Variants in NIBAN1 observed in about 807,000 individuals in gnomAD.
NIBAN1 encodes the protein niban apoptosis regulator 1.
Under a neutral mutation model 75.1 loss-of-function variants are expected in NIBAN1, and 81 were observed. The observed-to-expected ratio is 1.08, with a 90% CI of 0.90 to 1.30. NIBAN1 has a LOEUF of 1.30. NIBAN1 is among the 50% of genes most tolerant of loss of function. The pLI is 0.00. For synonymous variants in NIBAN1, 436 were observed against 424.8 expected (o/e 1.03, Z -0.32); for missense variants, 1,133 against 1,128.1 (o/e 1.00, Z -0.06).
intron 1 of NIBAN1, among the ~76,000 whole-genome samples, chr1:184,913,215 A>G (rs1035960605): frequency 3.3e-5 from 5 of 149,968 alleles, no homozygotes; most frequent in Admixed American, 6.6e-5. Flanking sequence ...ATTTGTAGAC[A>G]TGAAAATGCT....
chr1:184,941,079 A>G (rs985121308), intron 1 of NIBAN1, among the ~76,000 whole-genome samples: 5 of 152,242 alleles, frequency 3.3e-5, no homozygotes, highest in African/African-American at 7.2e-5. Flanking sequence ...CACTTAGGAC[A>G]GTACCCAAAG....
chr1:184,826,357 CA>C (rs1368664227), intron 6 of NIBAN1, among the ~76,000 whole-genome samples: 4 of 152,174 alleles, frequency 2.6e-5, no homozygotes, highest in African/African-American at 9.7e-5. Flanking sequence ...CTAACATGCA[CA>C]AAACTCCATG....
At chr1:184,859,462 A>G (rs931865485) in intron 5 of NIBAN1, among the ~76,000 whole-genome samples, 2 of 152,156 alleles carry the variant, frequency 1.3e-5, no homozygotes, top group African/African-American at 4.8e-5. Flanking sequence ...TCTCTAAGGT[A>G]CTTTCCAGCT....
At chr1:184,800,217 T>A (rs1377333223) in intron 12 of NIBAN1, among the ~76,000 whole-genome samples, 19 of 151,272 alleles carry the variant, frequency 1.3e-4, no homozygotes, top group African/African-American at 4.4e-4. Context: ...GGGTTGTTTG[T>A]TTTTTTCTTG....
chr1:184,798,968 A>G (rs1338397142), intron 12 of NIBAN1, among the ~76,000 whole-genome samples: 1 of 152,168 alleles, frequency 6.6e-6, no homozygotes, highest in African/African-American at 2.4e-5. Flanking sequence ...AAAATTGTTT[A>G]TCTGCACTCA....
At chr1:184,955,367 T>C (rs116355870) in intron 1 of NIBAN1, among the ~76,000 whole-genome samples, 6,815 of 32,036 alleles carry the variant, frequency 0.21, 159 homozygotes, top group Non-Finnish European at 0.29. Flanking sequence ...CTTTTCTTTT[T>C]TGTTTTGTTT....
intron 5 of NIBAN1, among the ~76,000 whole-genome samples, chr1:184,841,004 C>T (rs1219594383): frequency 6.6e-6 from 1 of 151,386 alleles, no homozygotes; most frequent in Non-Finnish European, 1.5e-5. Context: ...ATTAAATTTT[C>T]TTTACCAACT....
intron 1 of NIBAN1, among the ~76,000 whole-genome samples, chr1:184,921,474 AT>A (rs1219426747): frequency 1.3e-5 from 2 of 152,214 alleles, no homozygotes; most frequent in African/African-American, 2.4e-5. Context: ...ATGATAAGTG[AT>A]TATCACTGGG....
intron 5 of NIBAN1, among the ~76,000 whole-genome samples, chr1:184,876,970 A>T (rs1656250358): frequency 6.6e-6 from 1 of 152,234 alleles, no homozygotes; most frequent in Non-Finnish European, 1.5e-5. Context: ...ACACTCATTA[A>T]CACAGATGTG....
At chr1:184,796,956 T>C (rs939367257) in intron 13 of NIBAN1, among the ~76,000 whole-genome samples, 7 of 152,204 alleles carry the variant, frequency 4.6e-5, no homozygotes, top group African/African-American at 1.7e-4. Context: ...TTCCTTTGTG[T>C]AGACACTGTG....
At chr1:184,943,929 A>G (rs114081415) in intron 1 of NIBAN1, among the ~76,000 whole-genome samples, 5 of 152,234 alleles carry the variant, frequency 3.3e-5, no homozygotes, top group African/African-American at 1.2e-4. Flanking sequence ...TTTTAAGCTT[A>G]TCACAAAAAC....
intron 5 of NIBAN1, among the ~76,000 whole-genome samples, chr1:184,867,252 C>T (rs994190646): frequency 2.6e-5 from 4 of 151,886 alleles, no homozygotes; most frequent in African/African-American, 7.3e-5. Flanking sequence ...ATTCACTTAA[C>T]GAATAGCCTT....
intron 4 of NIBAN1, among the ~76,000 whole-genome samples, chr1:184,888,743 T>A (rs1334740908): frequency 6.6e-6 from 1 of 152,254 alleles, no homozygotes; most frequent in East Asian, 1.9e-4. Flanking sequence ...TTCTGGCTGA[T>A]TTCATTGGAA....
intron 1 of NIBAN1, among the ~76,000 whole-genome samples, chr1:184,967,157 G>T (rs950734455): frequency 6.6e-6 from 1 of 151,912 alleles, no homozygotes; most frequent in Non-Finnish European, 1.5e-5. Context: ...GAGAAAATCT[G>T]TATTGCATTT....
intron 5 of NIBAN1, among the ~76,000 whole-genome samples, chr1:184,863,438 C>T (rs1457706579): frequency 1.3e-5 from 2 of 152,110 alleles, no homozygotes; most frequent in East Asian, 3.9e-4. Flanking sequence ...TAACTGAGTT[C>T]AAATTAGTTT....
intron 6 of NIBAN1, among the ~76,000 whole-genome samples, chr1:184,826,652 T>C (rs905157307): frequency 1.3e-5 from 2 of 152,240 alleles, no homozygotes; most frequent in Non-Finnish European, 2.9e-5. Context: ...GGTCAGAATT[T>C]TAGCATAAGT....
intron 1 of NIBAN1, among the ~76,000 whole-genome samples, chr1:184,914,449 C>G (rs1657328309): frequency 6.6e-6 from 1 of 152,164 alleles, no homozygotes; most frequent in Admixed American, 6.5e-5. Context: ...TTGGGGATGA[C>G]AGAGAGGTTC....
intron 5 of NIBAN1, among the ~76,000 whole-genome samples, chr1:184,838,397 C>G (rs1655195351): frequency 6.6e-6 from 1 of 152,128 alleles, no homozygotes. Context: ...AAACATTCAC[C>G]AGATCAGGAG....
intron 1 of NIBAN1, among the ~76,000 whole-genome samples, chr1:184,911,161 T>G (rs1200396593): frequency 6.6e-6 from 1 of 152,146 alleles, no homozygotes; most frequent in Non-Finnish European, 1.5e-5. Flanking sequence ...TAAAATACAT[T>G]ATTGAGTCTC....
Sources: allele counts gnomAD v4.1 joint callset (sites outside exome capture counted in the v4.1 genomes callset), GRCh38; gene constraint gnomAD v4.1.1; transcripts MANE v1.5; gene names NCBI Gene and HGNC (gene_info 2026-07-23, HGNC 2026-07-21).